Variants in BLK observed in about 807,000 individuals in gnomAD.
BLK encodes tyrosine-protein kinase Blk.
In BLK, 64 loss-of-function variants were observed where a neutral mutation model predicts 61.8. That is an observed-to-expected ratio of 1.03 (90% confidence interval 0.85 to 1.27). The LOEUF (loss-of-function observed/expected upper bound fraction) is 1.27. BLK is among the 50% of genes most tolerant of loss of function. The pLI is 0.00. For synonymous variants in BLK, 351 were observed against 272.0 expected, an observed-to-expected ratio of 1.29 and a Z score of -2.86; for missense variants, 853 against 660.5, an observed-to-expected ratio of 1.29 and a Z score of -3.19.
chr8:11,549,021 T>C lies in BLK; in HGVS notation c.270-3T>C. 6.2e-7 allele frequency: 1 copy of C among 1,605,904 alleles called. No individual in the cohort carries two copies. The highest frequency in any genetic ancestry group is 8.5e-7 in the Non-Finnish European group (1 of 1,176,222). On this transcript the variant is annotated splice_polypyrimidine_tract_variant and splice_region_variant and intron_variant, in intron 4 of 12. Transcript: ENST00000259089. ...TCATCTCTGTTTCCCCTGCTCCCATTAGAACTGGAGACTGGTGGCTGGCCA... is the reference window on the plus strand; with the variant it reads ...TCATCTCTGTTTCCCCTGCTCCCATCAGAACTGGAGACTGGTGGCTGGCCA...
chr8:11,505,015 TACACACAGAA>T (rs1487801544), intron 1 of BLK, among the ~76,000 whole-genome samples: 1 of 151,716 alleles, frequency 6.6e-6, no homozygotes, highest in Non-Finnish European at 1.5e-5. Context: ...CACATAAGAA[TACACACAGAA>T]ACACACAGAC....
At chr8:11,549,448 C>T (rs1800804905) in intron 5 of BLK, among the ~76,000 whole-genome samples, 1 of 152,260 alleles carries the variant, frequency 6.6e-6, no homozygotes, top group Admixed American at 6.5e-5. Flanking sequence ...CCCTCCCCTA[C>T]AGCCTCCATG....
At chr8:11,498,656 C>T (rs1798445434) in intron 1 of BLK, among the ~76,000 whole-genome samples, 1 of 152,158 alleles carries the variant, frequency 6.6e-6, no homozygotes, top group Non-Finnish European at 1.5e-5. Context: ...AGGTTCAGCC[C>T]TGGCAATGTG....
chr8:11,531,868 T>C (rs1292764750), intron 1 of BLK, among the ~76,000 whole-genome samples: 1 of 152,196 alleles, frequency 6.6e-6, no homozygotes, highest in Non-Finnish European at 1.5e-5. Context: ...TGTTTGTTTG[T>C]TTGTTTTTGA....
chr8:11,519,051 G>A (rs559474344), intron 1 of BLK, among the ~76,000 whole-genome samples: 9 of 152,286 alleles, frequency 5.9e-5, no homozygotes, highest in South Asian at 4.1e-4. Flanking sequence ...ATCAGTGGCC[G>A]TTTACTTTGC....
chr8:11,496,000 G>C (rs1289501384), intron 1 of BLK, among the ~76,000 whole-genome samples: 1 of 152,196 alleles, frequency 6.6e-6, no homozygotes, highest in African/African-American at 2.4e-5. Flanking sequence ...AGCAGGAGTA[G>C]CCAAATCCTG....
At chr8:11,531,154 G>A (rs1004334866) in intron 1 of BLK, among the ~76,000 whole-genome samples, 1 of 152,056 alleles carries the variant, frequency 6.6e-6, no homozygotes, top group African/African-American at 2.4e-5. Flanking sequence ...CTGTTCAACT[G>A]TTTGTTAAAT....
intron 8 of BLK, 137 bp downstream of exon 8, chr8:11,555,621 A>G (rs1040770562): frequency 2.5e-5 from 34 of 1,358,480 alleles, no homozygotes; most frequent in East Asian, 7.5e-5. Flanking sequence ...AGGCGAGGAC[A>G]CTCATTTTAC....
chr8:11,498,797 C>T (rs1798452176), intron 1 of BLK, among the ~76,000 whole-genome samples: 1 of 152,174 alleles, frequency 6.6e-6, no homozygotes, highest in Non-Finnish European at 1.5e-5. Flanking sequence ...AATAGCACAT[C>T]ACAGGATTAA....
At chr8:11,559,302 C>T (rs1025199949) in intron 10 of BLK, among the ~76,000 whole-genome samples, 3 of 147,712 alleles carry the variant, frequency 2.0e-5, no homozygotes, top group Non-Finnish European at 4.5e-5. Flanking sequence ...CACACACACA[C>T]TCTCACACAC....
In BLK at chr8:11,526,784, AGGTT is replaced by A. The variant is rs763559331; in HGVS notation, c.-1-16439_-1-16436del. ...TATAATTTTACTGTGTTTCATCAGT[AGGTT>A]AGTACTCAAAACTTTTTCAGTTGAA... On this transcript the variant is annotated intron_variant, in intron 1 of 12. Transcript: ENST00000259089. 9.7e-3 allele frequency among the ~76,000 whole-genome samples: 1,485 copies of A among 152,310 alleles called. 11 individuals are homozygous for A. Among genetic ancestry groups the A allele is most frequent in the Middle Eastern group, 0.044 (13 of 294 alleles).
At chr8:11,554,307 C>G (rs1324661146) in intron 6 of BLK, 5 of 246,988 alleles carry the variant, frequency 2.0e-5, no homozygotes, top group African/African-American at 4.4e-5. Context: ...TGGGTACTTG[C>G]AGCTGTGAAT....
chr8:11,521,835 T>A (rs1019292276), intron 1 of BLK, among the ~76,000 whole-genome samples: 4 of 152,206 alleles, frequency 2.6e-5, no homozygotes, highest in Non-Finnish European at 5.9e-5. Context: ...TTTTAGTAAG[T>A]GTGGACATCT....
chr8:11,504,367 G>GGAAGAAAGAAAAGAAAAGAAAAGAAAAGA (rs1554540059), intron 1 of BLK, among the ~76,000 whole-genome samples: 33 of 39,360 alleles, frequency 8.4e-4, no homozygotes, highest in Non-Finnish European at 1.9e-3. Flanking sequence ...AAGGAAGGAA[G>GGAAGAAAGAAAAGAAAAGAAAAGAAAAGA]AAAGAAAAGA....
intron 1 of BLK, among the ~76,000 whole-genome samples, chr8:11,540,988 G>T (rs578165132): frequency 6.6e-6 from 1 of 152,158 alleles, no homozygotes; most frequent in African/African-American, 2.4e-5. Context: ...AAATAGGGCC[G>T]AGTGTGATGG....
At chr8:11,554,227 A>T in intron 6 of BLK, 1 of 179,352 alleles carries the variant, frequency 5.6e-6, no homozygotes, top group Non-Finnish European at 1.2e-5. Context: ...TAACAGGTGT[A>T]TGTAACAGGC....
chr8:11,545,989 AC>A (rs1800617076), intron 2 of BLK, 62 bp from the exon 3 acceptor site: 4 of 1,570,196 alleles, frequency 2.5e-6, no homozygotes, highest in Admixed American at 1.7e-5. Context: ...AGCAGTCTCA[AC>A]CCCCAGGCCC....
At chr8:11,508,585 G>T (rs1563424585) in intron 1 of BLK, among the ~76,000 whole-genome samples, 1 of 152,224 alleles carries the variant, frequency 6.6e-6, no homozygotes, top group Non-Finnish European at 1.5e-5. Flanking sequence ...CCCTATACCA[G>T]AAGGTACTTC....
At chr8:11,504,008 G>T (rs1798663508) in intron 1 of BLK, among the ~76,000 whole-genome samples, 1 of 152,188 alleles carries the variant, frequency 6.6e-6, no homozygotes, top group Non-Finnish European at 1.5e-5. Flanking sequence ...CTTTCTTGGA[G>T]CTTAGGTCCT....
Sources: allele counts gnomAD v4.1 joint callset (sites outside exome capture counted in the v4.1 genomes callset), GRCh38; gene constraint gnomAD v4.1.1; transcripts MANE v1.5; gene names NCBI Gene and HGNC (gene_info 2026-07-23, HGNC 2026-07-21).